COLEC11: variants seen among roughly 807,000 people sequenced by gnomAD.
COLEC11 encodes collectin-11.
COLEC11 carries 20 observed loss-of-function variants against 27.3 expected under a neutral mutation model. That is an observed-to-expected ratio of 0.73 (90% CI 0.51 to 1.06). The LOEUF is 1.06. Ranked by LOEUF, COLEC11 falls within the 50% of genes least tolerant of loss-of-function variation. The probability of loss-of-function intolerance (pLI) is 0.00; values close to 1 mark genes in which losing one functional copy is unlikely to be tolerated. For synonymous variants in COLEC11, 163 were observed against 154.7 expected, an observed-to-expected ratio of 1.05 and a Z score of -0.40; for missense variants, 310 against 383.0, an observed-to-expected ratio of 0.81 and a Z score of 1.59.
intron 3 of COLEC11, among the ~76,000 whole-genome samples, chr2:3,632,523 C>T (rs1665095956): frequency 6.6e-6 from 1 of 152,212 alleles, no homozygotes; most frequent in Admixed American, 6.5e-5. Flanking sequence ...CAATCCCGGC[C>T]TCTCTTTCTC....
chr2:3,595,260 G>C (rs1413234213), intron 1 of COLEC11, 92 bp downstream of exon 1: 1 of 200,704 alleles, frequency 5.0e-6, no homozygotes, highest in Non-Finnish European at 1.1e-5. Context: ...CTGGGCGCGA[G>C]GTGGGCTCCT....
chr2:3,640,408 C>T, intron 5 of COLEC11, 77 bp downstream of exon 5: 3 of 810,090 alleles, frequency 3.7e-6, no homozygotes, highest in Non-Finnish European at 4.2e-6. Context: ...TAGATCTACA[C>T]CATGTAGATC....
At chr2:3,624,020 T>G (rs1012437518) in intron 3 of COLEC11, among the ~76,000 whole-genome samples, 3 of 152,228 alleles carry the variant, frequency 2.0e-5, no homozygotes, top group Non-Finnish European at 4.4e-5. Flanking sequence ...TCAGACCATT[T>G]CTGTGGATGC....
chr2:3,637,859 T>C (rs1395578635), intron 4 of COLEC11, among the ~76,000 whole-genome samples: 1 of 152,210 alleles, frequency 6.6e-6, no homozygotes, highest in Non-Finnish European at 1.5e-5. Context: ...ATGGAGGGGC[T>C]GCAGCTAGTG....
At chr2:3,598,218 G>GA (rs1462697542) in intron 1 of COLEC11, among the ~76,000 whole-genome samples, 1 of 152,202 alleles carries the variant, frequency 6.6e-6, no homozygotes, top group African/African-American at 2.4e-5. Flanking sequence ...TTACAAACGT[G>GA]AGCCACTGTG....
At chr2:3,617,700 G>A (rs1252387444) in intron 3 of COLEC11, 30 of 1,600,048 alleles carry the variant, frequency 1.9e-5, no homozygotes, top group Middle Eastern at 2.3e-4. Context: ...GAGGAAAAGC[G>A]GAGCGAGGCG....
intron 4 of COLEC11, 42 bp from the exon 5 acceptor site, chr2:3,640,235 TC>T: frequency 8.3e-7 from 1 of 1,197,950 alleles, no homozygotes; most frequent in Non-Finnish European, 1.2e-6. Flanking sequence ...ATAGAACATG[TC>T]CATCTCTGCC....
intron 3 of COLEC11, among the ~76,000 whole-genome samples, chr2:3,628,832 C>A (rs1227586545): frequency 6.6e-6 from 1 of 152,254 alleles, no homozygotes; most frequent in Non-Finnish European, 1.5e-5. Flanking sequence ...CCTCAATCCT[C>A]ATGCGTGTCC....
chr2:3,644,575 T>C lies in COLEC11; in HGVS notation c.*457T>C, dbSNP rs543747014. On this transcript the variant is annotated 3_prime_UTR_variant, in exon 7 of 7. Transcript: ENST00000349077. Reference sequence around the variant, plus strand: ...ATAGGTTCCTTCACACTATTATCCATGTAAAAACAATTTTGCTTTGCTTCA... The same window carrying C: ...ATAGGTTCCTTCACACTATTATCCACGTAAAAACAATTTTGCTTTGCTTCA... 4.6e-5 allele frequency: 18 copies of C among 387,376 alleles called. No homozygotes were observed. Among genetic ancestry groups the C allele is most frequent in the Non-Finnish European group, 8.6e-5 (17 of 197,724 alleles). 24.0% of individuals were successfully genotyped at this position (387,376 alleles called of 1,614,324 possible).
At chr2:3,631,449 A>C (rs1572455057) in intron 3 of COLEC11, among the ~76,000 whole-genome samples, 1 of 152,112 alleles carries the variant, frequency 6.6e-6, no homozygotes, top group African/African-American at 2.4e-5. Context: ...CATCCGGTGG[A>C]GGGAGTGTTT....
chr2:3,598,813 G>C (rs1662036007), intron 1 of COLEC11, among the ~76,000 whole-genome samples: 1 of 152,184 alleles, frequency 6.6e-6, no homozygotes, highest in Admixed American at 6.5e-5. Context: ...CCTGGTGGTG[G>C]AGTTGGGGCC....
chr2:3,603,487 T>C, intron 1 of COLEC11: 1 of 654,864 alleles, frequency 1.5e-6, no homozygotes, highest in Non-Finnish European at 2.7e-6. Flanking sequence ...CAGCTAATTT[T>C]TGTATTTTTA....
chr2:3,604,308 T>C lies in COLEC11; in HGVS notation c.-26-7T>C, dbSNP rs1662462065. On this transcript the variant is annotated splice_polypyrimidine_tract_variant and splice_region_variant and intron_variant, in intron 1 of 6. Coordinates refer to ENST00000349077, the MANE Select transcript of COLEC11 (RefSeq NM_024027.5). ...TCCCATCACTGTTTATTCCTTCCTC[T>C]GTGTAGGAGTTGGTGTCCTGCCTGC... 1 of 1,613,980 alleles carries C rather than the reference T, an allele frequency of 6.2e-7. No homozygotes were observed. Among genetic ancestry groups the C allele is most frequent in the Non-Finnish European group, 8.5e-7 (1 of 1,179,958 alleles).
chr2:3,595,535 C>T (rs573170339), intron 1 of COLEC11, among the ~76,000 whole-genome samples: 4 of 152,328 alleles, frequency 2.6e-5, no homozygotes, highest in South Asian at 2.1e-4. Flanking sequence ...CACAACCTGA[C>T]GATTGTTCCT....
At chr2:3,633,453 G>A (rs572986567) in intron 3 of COLEC11, among the ~76,000 whole-genome samples, 33 of 152,322 alleles carry the variant, frequency 2.2e-4, no homozygotes, top group African/African-American at 6.7e-4. Context: ...ACCTGTCTCC[G>A]GCGAGTAGAG....
Position 3,644,079 on chromosome 2 carries a change from CA to C in COLEC11, c.778del (p.Met260CysfsTer47). Reference sequence around the variant, plus strand: ...GGAACGACGTGGCCTGCCACACCACCATGTACTTCATGTGTGAGTTTGACAA... The same window carrying C: ...GGAACGACGTGGCCTGCCACACCACCTGTACTTCATGTGTGAGTTTGACAA... ...GWNDVACHTT[M>X]YFMCEFDKEN... On this transcript the variant is annotated frameshift_variant, in exon 7 of 7. Coordinates refer to ENST00000349077, the MANE Select transcript of COLEC11 (RefSeq NM_024027.5). LOFTEE classifies it high-confidence loss of function. 6.2e-7 allele frequency: 1 copy of C among 1,613,490 alleles called. No individual in the cohort carries two copies.
Position 3,640,345 on chromosome 2 carries a change from G to T in COLEC11, c.328+14G>T. The T allele has an allele frequency of 2.0e-6, 3 of 1,487,974 alleles. No homozygotes were observed. The highest frequency in any genetic ancestry group is 2.8e-6 in the Non-Finnish European group (3 of 1,065,518). The allele number at this position is 1,487,974 out of a possible 1,614,324, so 92.2% of individuals were successfully genotyped here. On this transcript the variant is annotated intron_variant, in intron 5 of 6. Coordinates refer to ENST00000349077, the MANE Select transcript of COLEC11 (RefSeq NM_024027.5). ...ATGGAGAACCAGGTATGGCATAAAG[G>T]GTCCAAGGATTTTTAATAAAATGTA...
intron 3 of COLEC11, among the ~76,000 whole-genome samples, chr2:3,635,571 C>T (rs1046956989): frequency 1.3e-5 from 2 of 152,226 alleles, no homozygotes; most frequent in African/African-American, 4.8e-5. Flanking sequence ...ATTCCCTTCC[C>T]TCGCACGCAC....
chr2:3,621,967 A>G (rs1313015851), intron 3 of COLEC11, among the ~76,000 whole-genome samples: 1 of 152,058 alleles, frequency 6.6e-6, no homozygotes, highest in African/African-American at 2.4e-5. Context: ...TCACGAGGTC[A>G]GGAGTTCAAG....
Sources: allele counts gnomAD v4.1 joint callset (sites outside exome capture counted in the v4.1 genomes callset), GRCh38; gene constraint gnomAD v4.1.1; transcripts MANE v1.5; gene names NCBI Gene and HGNC (gene_info 2026-07-23, HGNC 2026-07-21).